RNF111: variants seen among roughly 807,000 people sequenced by gnomAD.
The protein encoded by RNF111 is ring finger protein 111, also known as E3 ubiquitin-protein ligase Arkadia.
RNF111 carries 17 observed loss-of-function variants against 95.1 expected under a neutral mutation model. The ratio of observed to expected loss-of-function variants is 0.18; its 90% CI spans 0.12 to 0.27. RNF111 has a LOEUF of 0.27. Ranked by LOEUF, RNF111 falls within the 10% of genes least tolerant of loss-of-function variation. The pLI is 1.00. For synonymous variants in RNF111, 440 were observed against 414.8 expected (o/e 1.06, Z -0.74); for missense variants, 1,189 against 1,210.4 (o/e 0.98, Z 0.26).
chr15:59,071,705 AT>A (rs1566931804), intron 6 of RNF111, among the ~76,000 whole-genome samples: 1 of 152,122 alleles, frequency 6.6e-6, no homozygotes, highest in African/African-American at 2.4e-5. Context: ...AAAAAAAAAA[AT>A]AAAGTTTTTG....
At chr15:58,993,837 A>G (rs547577791) in intron 1 of RNF111, among the ~76,000 whole-genome samples, 4 of 152,198 alleles carry the variant, frequency 2.6e-5, no homozygotes, top group African/African-American at 9.6e-5. Context: ...ATCTTAGTTT[A>G]GTTTGTATGT....
rs768770705 is a variant in RNF111, at chr15:59,066,879, C to T, written c.1482C>T (p.His494=). The T allele has an allele frequency of 6.2e-6, 10 of 1,614,070 alleles. No homozygotes were observed. Among genetic ancestry groups the T allele is most frequent in the Non-Finnish European group, 8.5e-6 (10 of 1,180,010 alleles). The change falls in exon 6 of 14, where the codon CAC becomes CAT. Residue 494 remains histidine (H), a synonymous_variant. Transcript: ENST00000348370. ...CATGTGGAGGGTCGTCACAGAACCA[C>T]CATGCATTAGGACATCCTCATACAA... ...HSPCGGSSQN[H]HALGHPHTSC... is the part of the protein sequence containing the mutation.
chr15:59,072,034 A>G (rs1217459291), intron 6 of RNF111, among the ~76,000 whole-genome samples: 2 of 152,260 alleles, frequency 1.3e-5, no homozygotes, highest in East Asian at 3.8e-4. Flanking sequence ...ACCTTATTGT[A>G]CATGTTTCAG....
intron 6 of RNF111, among the ~76,000 whole-genome samples, chr15:59,068,843 A>C (rs1302020319): frequency 6.6e-6 from 1 of 152,034 alleles, no homozygotes; most frequent in Admixed American, 6.6e-5. Context: ...CTGGGAGGCC[A>C]AAGTGGGTGG....
Position 59,027,087 on chromosome 15 carries a change from G to A in RNF111, c.-19-3717G>A, listed in dbSNP as rs530521370. On this transcript the variant is annotated intron_variant, in intron 1 of 13. Coordinates refer to ENST00000348370, the MANE Select transcript of RNF111 (RefSeq NM_017610.8). ...GTGAATTGCTTCTTTGTAAATTAAT[G>A]TATGGCTGCATGTTCTCAGAATTTG... Among the ~76,000 whole-genome samples, 6 of 152,316 alleles carry A rather than the reference G, an allele frequency of 3.9e-5. No individual in the cohort carries two copies. In the East Asian group the frequency reaches 9.6e-4, roughly 24 times the overall value.
intron 1 of RNF111, among the ~76,000 whole-genome samples, chr15:59,009,143 A>C (rs879630630): frequency 4.6e-5 from 7 of 151,970 alleles, no homozygotes; most frequent in Admixed American, 2.0e-4. Flanking sequence ...TATTTTTAGT[A>C]GAGATGGGGT....
chr15:59,095,872 CTG>C lies in RNF111; in HGVS notation c.*975_*976del, dbSNP rs1202954713. ...TGGAATTTAAGTCACTGGCAGGTAT[CTG>C]TGCATTCATAGAACTTATAAAGGTC... is the stretch of plus-strand genomic sequence containing the variant. On this transcript the variant is annotated 3_prime_UTR_variant, in exon 14 of 14. Transcript: ENST00000348370. 5.0e-6 allele frequency: 2 copies of C among 396,256 alleles called. No homozygotes were observed. The highest frequency in any genetic ancestry group is 4.1e-5 in the African/African-American group (2 of 48,574). 24.5% of individuals were successfully genotyped at this position (396,256 alleles called of 1,614,324 possible).
At chr15:59,004,140 C>T in intron 1 of RNF111, 2 of 1,210,732 alleles carry the variant, frequency 1.7e-6, no homozygotes, top group Non-Finnish European at 2.1e-6. Flanking sequence ...TGTTTTTTCC[C>T]TCATAGATGG....
At chr15:59,062,945 C>T (rs1229567112) in intron 5 of RNF111, among the ~76,000 whole-genome samples, 3 of 152,164 alleles carry the variant, frequency 2.0e-5, no homozygotes, top group Admixed American at 6.5e-5. Context: ...GTAACATCAC[C>T]TCCCTTCCAA....
intron 2 of RNF111, among the ~76,000 whole-genome samples, chr15:59,037,446 C>A (rs2041232474): frequency 6.6e-6 from 1 of 152,114 alleles, no homozygotes; most frequent in Non-Finnish European, 1.5e-5. Context: ...ATTCAGAGAA[C>A]CTTACTGGAA....
At chr15:59,048,086 C>T (rs1371664965) in intron 2 of RNF111, among the ~76,000 whole-genome samples, 3 of 152,062 alleles carry the variant, frequency 2.0e-5, no homozygotes, top group African/African-American at 7.2e-5. Flanking sequence ...ACCATAGAAC[C>T]TAGAAATTAC....
At chr15:59,078,230 T>G (rs1453519549) in intron 7 of RNF111, among the ~76,000 whole-genome samples, 1 of 152,246 alleles carries the variant, frequency 6.6e-6, no homozygotes. Context: ...GTTTCATAAG[T>G]ACATTTATAT....
At chr15:59,060,069 G>GT (rs1315644213) in intron 5 of RNF111, among the ~76,000 whole-genome samples, 1 of 151,904 alleles carries the variant, frequency 6.6e-6, no homozygotes, top group Non-Finnish European at 1.5e-5. Flanking sequence ...TATCTTTTTT[G>GT]TTTTTTTGGC....
chr15:58,991,023 C>T (rs1268277091), intron 1 of RNF111, among the ~76,000 whole-genome samples: 2 of 151,768 alleles, frequency 1.3e-5, no homozygotes, highest in Non-Finnish European at 2.9e-5. Context: ...AGGCTGGGTG[C>T]GCTTGCTCAT....
rs1439404674 is a variant in RNF111 at position 59,058,421 on chromosome 15, A to G, written c.1237A>G (p.Asn413Asp). ...ACAAGCTACTAGCGCTTCCATTAAC[A>G]ATTCAAATCCATCTACCTCTGAGCA... ...ESQATSASIN[N>D]SNPSTSEQAS... The change falls in exon 5 of 14, where the codon AAT becomes GAT. Residue 413 changes from asparagine to aspartate, a missense_variant. Around this residue, in one of 2 missense-constraint regions of RNF111, gnomAD observed 1,024 missense variants for 925.9 expected, o/e 1.11. Transcript: ENST00000348370. The G allele has an allele frequency of 6.8e-6, 11 of 1,614,160 alleles. No individual in the cohort carries two copies. Among genetic ancestry groups the G allele is most frequent in the Non-Finnish European group, 9.3e-6 (11 of 1,180,004 alleles).
rs575276227 is a variant in RNF111 at position 59,039,868 on chromosome 15, C to T, written c.880+8166C>T. 2.4e-4 allele frequency among the ~76,000 whole-genome samples: 36 copies of T among 152,220 alleles called. No individual in the cohort carries two copies. The South Asian group carries it at 5.0e-3, about 21-fold the overall frequency. On this transcript the variant is annotated intron_variant, in intron 2 of 13. Transcript: ENST00000348370. Reference sequence around the variant, plus strand: ...AGTAGCTGGGACTACAGGCACATGCCACCGTGCCCAGCTAATTTTTTGTGT... The same window carrying T: ...AGTAGCTGGGACTACAGGCACATGCTACCGTGCCCAGCTAATTTTTTGTGT...
chr15:59,088,136 T>C (rs1298254617), intron 10 of RNF111, among the ~76,000 whole-genome samples: 2 of 152,108 alleles, frequency 1.3e-5, no homozygotes, highest in Non-Finnish European at 2.9e-5. Context: ...AGAAAACCAT[T>C]AGAGAGGAAT....
chr15:58,993,509 A>C (rs1359240671), intron 1 of RNF111, among the ~76,000 whole-genome samples: 1 of 152,174 alleles, frequency 6.6e-6, no homozygotes, highest in Non-Finnish European at 1.5e-5. Flanking sequence ...CTGCACTCCA[A>C]CCTGAGTAAC....
chr15:59,056,779 G>A (rs1299794867), intron 4 of RNF111, among the ~76,000 whole-genome samples: 3 of 152,130 alleles, frequency 2.0e-5, no homozygotes, highest in Admixed American at 6.6e-5. Flanking sequence ...TAAGACAGTC[G>A]TTAATGTAAT....
Sources: allele counts gnomAD v4.1 joint callset (sites outside exome capture counted in the v4.1 genomes callset), GRCh38; gene constraint gnomAD v4.1.1; regional missense constraint gnomAD v4.1.1; transcripts MANE v1.5; gene names NCBI Gene and HGNC (gene_info 2026-07-23, HGNC 2026-07-21).